The following TENM3 variants were observed in gnomAD, a reference collection of about 807,000 sequenced individuals.
TENM3 encodes teneurin-3.
TENM3 carries 63 observed loss-of-function variants against 255.1 expected under a neutral mutation model. That is an observed-to-expected ratio of 0.25 (90% CI 0.20 to 0.30). TENM3 has a LOEUF of 0.30. Among genes scored for constraint, TENM3 ranks in the 10% least tolerant of loss-of-function variants. The pLI is 1.00. For synonymous variants in TENM3, 1,306 were observed against 1,322.3 expected (o/e 0.99, Z 0.27); for missense variants, 2,929 against 3,461.1 (o/e 0.85, Z 3.86).
At chr4:181,885,452 A>G in the TENM3 span, among the ~76,000 whole-genome samples, 6 of 152,090 alleles carry the variant, frequency 3.9e-5, no homozygotes, top group Admixed American at 3.3e-4. Flanking sequence ...TAGTAGAGAC[A>G]GGGTTTCACC....
the TENM3 span, chr4:181,906,207 T>C: frequency 0.026 from 6,055 of 237,164 alleles, 135 homozygotes; most frequent in Non-Finnish European, 0.038. Flanking sequence ...CCTCAAAATG[T>C]CTGGATTCTC....
chr4:182,094,178 C>T, the TENM3 span, among the ~76,000 whole-genome samples: 1 of 151,986 alleles, frequency 6.6e-6, no homozygotes, highest in Non-Finnish European at 1.5e-5. Flanking sequence ...CTCATGAACA[C>T]TACAGAGGAG....
the TENM3 span, among the ~76,000 whole-genome samples, chr4:181,994,985 G>T: frequency 2.0e-5 from 3 of 152,246 alleles, no homozygotes; most frequent in South Asian, 6.2e-4. Flanking sequence ...TTAGTTTCTT[G>T]TTTCTAAGAA....
At chr4:182,436,422 T>C (rs887899874) in intron 3 of TENM3, among the ~76,000 whole-genome samples, 2 of 152,150 alleles carry the variant, frequency 1.3e-5, no homozygotes, top group African/African-American at 4.8e-5. Flanking sequence ...TCGAGTTCCT[T>C]TTAGGTTGCA....
intron 1 of TENM3, among the ~76,000 whole-genome samples, chr4:182,289,979 C>T (rs560521022): frequency 6.6e-6 from 1 of 152,238 alleles, no homozygotes; most frequent in South Asian, 2.1e-4. Context: ...GTCTGGGACC[C>T]CTCCAGCCAA....
the TENM3 span, among the ~76,000 whole-genome samples, chr4:181,675,738 C>T: frequency 1.3e-5 from 2 of 151,964 alleles, no homozygotes; most frequent in East Asian, 1.9e-4. Context: ...CGTTGCCGCA[C>T]GAGGGGTAAA....
the TENM3 span, among the ~76,000 whole-genome samples, chr4:181,985,777 A>G: frequency 6.6e-6 from 1 of 152,118 alleles, no homozygotes; most frequent in African/African-American, 2.4e-5. Context: ...GCACTCCATC[A>G]TGTATCTGTT....
the TENM3 span, among the ~76,000 whole-genome samples, chr4:181,855,645 GCT>G: frequency 6.6e-6 from 1 of 152,140 alleles, no homozygotes; most frequent in Non-Finnish European, 1.5e-5. Flanking sequence ...TATTCTTCAT[GCT>G]ATGCTAAATT....
At chr4:181,748,081 C>G in the TENM3 span, among the ~76,000 whole-genome samples, 3 of 151,890 alleles carry the variant, frequency 2.0e-5, no homozygotes, top group Admixed American at 2.0e-4. Flanking sequence ...CTGCTTTCTC[C>G]TCTCCTCCCC....
the TENM3 span, among the ~76,000 whole-genome samples, chr4:182,048,294 T>G: frequency 6.6e-6 from 1 of 152,202 alleles, no homozygotes; most frequent in Admixed American, 6.5e-5. Context: ...GCATTACAAG[T>G]ATAGGTGTGT....
chr4:182,431,040 C>T (rs28475119), intron 3 of TENM3, among the ~76,000 whole-genome samples: 1,952 of 20,982 alleles, frequency 0.093, 31 homozygotes, highest in East Asian at 0.47. Flanking sequence ...AATAAATAAA[C>T]AAACAAACAA....
At chr4:181,602,207 T>C in the TENM3 span, among the ~76,000 whole-genome samples, 2 of 152,174 alleles carry the variant, frequency 1.3e-5, no homozygotes, top group East Asian at 1.9e-4. Flanking sequence ...CTTTATGAGA[T>C]AAAGTGTTTT....
the TENM3 span, among the ~76,000 whole-genome samples, chr4:181,523,455 G>C: frequency 1.3e-5 from 2 of 150,596 alleles, no homozygotes; most frequent in African/African-American, 4.9e-5. Flanking sequence ...GTAAGATGAA[G>C]ACCAAAGTGA....
chr4:182,368,933 A>G (rs1244709037), intron 3 of TENM3, among the ~76,000 whole-genome samples: 2 of 152,110 alleles, frequency 1.3e-5, no homozygotes, highest in Admixed American at 6.5e-5. Context: ...GTTTTCCCTC[A>G]CAAAAATCCT....
the TENM3 span, among the ~76,000 whole-genome samples, chr4:181,862,377 G>A: frequency 2.6e-5 from 4 of 152,008 alleles, no homozygotes; most frequent in South Asian, 2.1e-4. Flanking sequence ...TAGAATTCCT[G>A]TAAATCATTT....
At chr4:182,344,917 A>G (rs1764706522) in intron 2 of TENM3, among the ~76,000 whole-genome samples, 1 of 152,170 alleles carries the variant, frequency 6.6e-6, no homozygotes, top group Non-Finnish European at 1.5e-5. Flanking sequence ...ATCTGCAGTA[A>G]TGATTTTAAC....
chr4:182,668,678 C>T (rs190782981), intron 6 of TENM3, among the ~76,000 whole-genome samples: 10 of 152,268 alleles, frequency 6.6e-5, no homozygotes, highest in Admixed American at 5.2e-4. Context: ...CGCGACACAA[C>T]GATGTATTCA....
chr4:182,033,802 T>C, the TENM3 span, among the ~76,000 whole-genome samples: 13 of 152,232 alleles, frequency 8.5e-5, no homozygotes, highest in Non-Finnish European at 1.8e-4. Flanking sequence ...CCCTTCTTTG[T>C]CTTTTTTGAT....
chr4:181,809,189 G>A, the TENM3 span, among the ~76,000 whole-genome samples: 1 of 152,176 alleles, frequency 6.6e-6, no homozygotes, highest in Non-Finnish European at 1.5e-5. Context: ...ATTCAGATGG[G>A]CTGGAAACAA....
Sources: gnomAD v4.1 joint callset for allele counts (sites outside exome capture counted in the v4.1 genomes callset) on GRCh38, gnomAD v4.1.1 for gene constraint, MANE v1.5 for transcripts, NCBI Gene and HGNC (gene_info 2026-07-23, HGNC 2026-07-21) for gene names.